The following CDH6 variants were observed in gnomAD, a reference collection of about 807,000 sequenced individuals.
The protein encoded by CDH6 is cadherin-6.
In CDH6, 31 loss-of-function variants were observed where a neutral mutation model predicts 78.0. The ratio of observed to expected loss-of-function variants is 0.40; its 90% CI spans 0.30 to 0.54. The LOEUF (loss-of-function observed/expected upper bound fraction) is 0.54. CDH6 is among the 20% of genes least tolerant of loss of function. The pLI is 0.56. For missense variants in CDH6, 724 were observed against 975.9 expected (o/e 0.74, Z 3.44); for synonymous variants, 376 against 368.8 (o/e 1.02, Z -0.23).
At chr5:31,300,867 T>A (rs1579897885) in intron 5 of CDH6, among the ~76,000 whole-genome samples, 2 of 152,296 alleles carry the variant, frequency 1.3e-5, no homozygotes, top group East Asian at 3.9e-4. Flanking sequence ...ATGCCTGTAA[T>A]CCCAGAGCTT....
intron 2 of CDH6, among the ~76,000 whole-genome samples, chr5:31,277,179 CACG>C (rs1268579503): frequency 1.3e-5 from 2 of 152,138 alleles, no homozygotes; most frequent in Non-Finnish European, 2.9e-5. Flanking sequence ...ATAATATGCA[CACG>C]ACACCTCACA....
chr5:31,327,091 T>C lies in CDH6; in HGVS notation c.*3783T>C, dbSNP rs1738640507. 3 of 182,210 alleles carry C rather than the reference T, an allele frequency of 1.6e-5. No homozygotes were observed. The allele number at this position is 182,210 out of a possible 1,614,324, so 11.3% of individuals were successfully genotyped here. ...CTTTCACTTTTACATATATAAATTT[T>C]AAGTGTCCTGATTGGCTGAACAATA... On this transcript the variant is annotated 3_prime_UTR_variant, in exon 12 of 12. Coordinates refer to ENST00000265071, the MANE Select transcript of CDH6 (RefSeq NM_004932.4).
Position 31,305,449 on chromosome 5 carries a change from GTC to G in CDH6, c.1253+26_1253+27del, listed in dbSNP as rs1040482906. 3.1e-6 allele frequency: 5 copies of G among 1,597,402 alleles called. No individual in the cohort carries two copies. The African/African-American group carries it at 6.7e-5, about 22-fold the overall frequency. ...TCAAGTAAGCACACTTCTGCGACAT[GTC>G]TCTTTCATAAGCTTCAGTCAATTTA... On this transcript the variant is annotated intron_variant, in intron 7 of 11. Transcript: ENST00000265071.
At chr5:31,270,663 T>C (rs1375183998) in intron 2 of CDH6, among the ~76,000 whole-genome samples, 2 of 152,138 alleles carry the variant, frequency 1.3e-5, no homozygotes, top group Non-Finnish European at 2.9e-5. Context: ...TGCTGCTTAT[T>C]TCCCTCCTTT....
chr5:31,267,808 T>G (rs955583470), intron 2 of CDH6, 107 bp downstream of exon 2: 33 of 846,478 alleles, frequency 3.9e-5, no homozygotes, highest in Admixed American at 1.0e-4. Flanking sequence ...TAGTAAGAAT[T>G]GTTGCTTAAC....
At chr5:31,234,469 C>G (rs1019923797) in intron 1 of CDH6, among the ~76,000 whole-genome samples, 1 of 152,024 alleles carries the variant, frequency 6.6e-6, no homozygotes, top group Non-Finnish European at 1.5e-5. Context: ...GAGTAACTAC[C>G]CTAAAAGAGT....
chr5:31,298,135 T>C (rs1168451249), intron 4 of CDH6, among the ~76,000 whole-genome samples: 2 of 152,232 alleles, frequency 1.3e-5, no homozygotes, highest in Non-Finnish European at 2.9e-5. Context: ...ATTTTTCTGT[T>C]TTCTGTATTT....
At chr5:31,271,614 A>G (rs80099701) in intron 2 of CDH6, among the ~76,000 whole-genome samples, 3,604 of 152,296 alleles carry the variant, frequency 0.024, 133 homozygotes, top group African/African-American at 0.083. Flanking sequence ...ATAGGAAGAA[A>G]TAAGTGGTCC....
In CDH6 at chr5:31,313,349, A is replaced by G; in HGVS notation, c.1285A>G (p.Arg429Gly). The G allele has an allele frequency of 6.2e-7, 1 of 1,613,718 alleles. No homozygotes were observed. Among genetic ancestry groups the G allele is most frequent in the Non-Finnish European group, 8.5e-7 (1 of 1,179,570 alleles). Residue 429 changes from arginine (R) to glycine (G), a missense_variant, in exon 8 of 12, where the codon AGA becomes GGA. Physicochemically the swap from Arg to Gly is moderately radical, Grantham distance 125. Around this residue, in one of 3 missense-constraint regions of CDH6, gnomAD observed 446 missense variants for 684.5 expected, o/e 0.65. Transcript: ENST00000265071. ...TGTAGATCGACACACAGATATGGACAGAATATTCAACATTGATTCTGGAAA... is the reference window on the plus strand; with the variant it reads ...TGTAGATCGACACACAGATATGGACGGAATATTCAACATTGATTCTGGAAA... ...YSVDRHTDMD[R>G]IFNIDSGNGS...
chr5:31,263,066 C>A (rs13185154), intron 1 of CDH6, among the ~76,000 whole-genome samples: 39,286 of 151,894 alleles, frequency 0.26, 6,091 homozygotes, highest in Non-Finnish European at 0.35. Context: ...AGTTCATTTT[C>A]TATTGCTTAT....
chr5:31,309,486 T>G (rs1219146017), intron 7 of CDH6, among the ~76,000 whole-genome samples: 3 of 152,180 alleles, frequency 2.0e-5, no homozygotes, highest in Non-Finnish European at 4.4e-5. Context: ...TTATATTGAA[T>G]TTCTACTGAG....
rs371603645 is a variant in CDH6, at chr5:31,302,178, C to A, written c.879C>A (p.Ser293Arg). The change falls in exon 6 of 12, where the codon AGC becomes AGA. Residue 293 changes from serine (S) to arginine (R), a missense_variant. Ser to Arg is a moderately radical substitution (Grantham distance 110, BLOSUM62 -1). Coordinates refer to ENST00000265071, the MANE Select transcript of CDH6 (RefSeq NM_004932.4). ...CACCAATTGGCAGAATCAAAGCCAG[C>A]GACGCTGATGTGGGAGAAAATGCTG... Reference protein sequence around the residue: ...PGTPIGRIKASDADVGENAEI... With the variant: ...PGTPIGRIKARDADVGENAEI... 1.2e-6 allele frequency: 2 copies of A among 1,613,830 alleles called. No homozygotes were observed. The highest frequency in any genetic ancestry group is 1.7e-5 in the Admixed American group (1 of 60,020).
chr5:31,217,341 A>G (rs1740894026), intron 1 of CDH6, among the ~76,000 whole-genome samples: 1 of 152,222 alleles, frequency 6.6e-6, no homozygotes, highest in Non-Finnish European at 1.5e-5. Flanking sequence ...AACAAAGGTT[A>G]TTCAAAAAAA....
At chr5:31,248,121 A>G (rs1410762369) in intron 1 of CDH6, among the ~76,000 whole-genome samples, 1 of 152,212 alleles carries the variant, frequency 6.6e-6, no homozygotes, top group East Asian at 1.9e-4. Flanking sequence ...AAGCAATTAC[A>G]CTATCCACTC....
At chr5:31,284,560 G>C (rs1742963408) in intron 2 of CDH6, among the ~76,000 whole-genome samples, 1 of 152,186 alleles carries the variant, frequency 6.6e-6, no homozygotes, top group Admixed American at 6.5e-5. Context: ...GAACAAGAAG[G>C]GGGTGGATTG....
chr5:31,294,919 G>T lies in CDH6; in HGVS notation c.523+663G>T, dbSNP rs1737542675. ...TAAACAGGATTTAAATTAAGAAAAA[G>T]AATTCTACTGACATCACTCTTAGCC... On this transcript the variant is annotated intron_variant, in intron 3 of 11. Coordinates refer to ENST00000265071, the MANE Select transcript of CDH6 (RefSeq NM_004932.4). The surrounding 1 kb of genome is among the most constrained non-coding windows in gnomAD (Gnocchi z 4.1). Among the ~76,000 whole-genome samples, 3 of 152,150 alleles carry T rather than the reference G, an allele frequency of 2.0e-5. No homozygotes were observed. In the South Asian group the frequency reaches 6.2e-4, roughly 32 times the overall value.
chr5:31,202,642 A>G (rs955268215), intron 1 of CDH6, among the ~76,000 whole-genome samples: 2 of 130,354 alleles, frequency 1.5e-5, no homozygotes, highest in African/African-American at 5.3e-5. Context: ...ACCTCAAAAA[A>G]ATATATATAT....
At chr5:31,289,086 C>T (rs1743086909) in intron 2 of CDH6, among the ~76,000 whole-genome samples, 1 of 152,092 alleles carries the variant, frequency 6.6e-6, no homozygotes, top group Non-Finnish European at 1.5e-5. Context: ...CAGTATTGGA[C>T]ATTGTACCCA....
At chr5:31,259,979 G>A (rs912199946) in intron 1 of CDH6, among the ~76,000 whole-genome samples, 2 of 152,192 alleles carry the variant, frequency 1.3e-5, no homozygotes, top group African/African-American at 4.8e-5. Context: ...AACTTTTGAG[G>A]TTTCAAGTTA....
Sources: gnomAD v4.1 joint callset for allele counts (sites outside exome capture counted in the v4.1 genomes callset) on GRCh38, gnomAD v4.1.1 for gene constraint, gnomAD v4.1.1 regional missense constraint, Gnocchi (gnomAD v3.1) non-coding constraint, MANE v1.5 for transcripts, NCBI Gene and HGNC (gene_info 2026-07-23, HGNC 2026-07-21) for gene names.